The following CAPZB variants were observed in gnomAD, a reference collection of about 807,000 sequenced individuals.
CAPZB encodes the protein capping actin protein of muscle Z-line subunit beta, also known as F-actin-capping protein subunit beta.
In CAPZB, 2 loss-of-function variants were observed where a neutral mutation model predicts 38.1. That is an observed-to-expected ratio of 0.05 (90% CI 0.02 to 0.17). CAPZB has a LOEUF of 0.17. CAPZB is among the 10% of genes least tolerant of loss of function. The pLI is 1.00. For synonymous variants in CAPZB, 107 were observed against 127.4 expected (o/e 0.84, Z 1.08); for missense variants, 161 against 334.2 (o/e 0.48, Z 4.04).
chr1:19,410,208 C>G lies in CAPZB; in HGVS notation c.93+9453G>C, dbSNP rs115650455. Among the ~76,000 whole-genome samples the G allele has an allele frequency of 4.1e-3, 620 of 152,228 alleles. 3 individuals carry two copies. The highest frequency in any genetic ancestry group is 0.027 in the South Asian group (129 of 4,822). The stretch of plus-strand genomic sequence containing the variant: ...GGTGACTGCCTTTAAATTAAATGTA[C>G]CAAAATCAGCCTGTGCTCCAGCATA... On this transcript the variant is annotated intron_variant, in intron 2 of 8. Coordinates refer to ENST00000264202, the MANE Select transcript of CAPZB (RefSeq NM_004930.5).
chr1:19,449,092 C>T lies in CAPZB; in HGVS notation c.4-29342G>A, dbSNP rs1349292157. On this transcript the variant is annotated intron_variant, in intron 1 of 8. Transcript: ENST00000264202. ...CAGCTGGCCAGATGGTTTTCATTTGCAGATGAAACCCCAGCAGTTCCATTG... is the reference window on the plus strand; with the variant it reads ...CAGCTGGCCAGATGGTTTTCATTTGTAGATGAAACCCCAGCAGTTCCATTG... The T allele has an allele frequency of 9.8e-6, 14 of 1,432,280 alleles. No homozygotes were observed. The Admixed American group carries it at 1.6e-4, about 17-fold the overall frequency. 88.7% of individuals were successfully genotyped at this position (1,432,280 alleles called of 1,614,324 possible). A position where few individuals can be genotyped will look rare whatever the true frequency, so the allele number is the denominator to read the frequency against.
intron 2 of CAPZB, among the ~76,000 whole-genome samples, chr1:19,400,798 C>T (rs1000281633): frequency 2.0e-5 from 3 of 152,150 alleles, no homozygotes; most frequent in Admixed American, 6.5e-5. Context: ...GGCCAAGGAA[C>T]GGGCCTATAT....
chr1:19,420,990 G>T (rs1264709648), intron 1 of CAPZB, among the ~76,000 whole-genome samples: 1 of 152,156 alleles, frequency 6.6e-6, no homozygotes, highest in Non-Finnish European at 1.5e-5. Context: ...GAGAAAGGTG[G>T]GCCAGGTACA....
intron 1 of CAPZB, among the ~76,000 whole-genome samples, chr1:19,479,329 G>A (rs1332095054): frequency 6.6e-6 from 1 of 152,226 alleles, no homozygotes; most frequent in Non-Finnish European, 1.5e-5. Context: ...AATGCTGTGT[G>A]CATCAGGCTG....
At chr1:19,448,699 G>C in intron 1 of CAPZB, 2 of 1,160,434 alleles carry the variant, frequency 1.7e-6, no homozygotes, top group South Asian at 3.0e-5. Flanking sequence ...ATTTCCTGGG[G>C]GTAGACTGTG....
chr1:19,467,726 G>A (rs1162424322), intron 1 of CAPZB, among the ~76,000 whole-genome samples: 1 of 152,204 alleles, frequency 6.6e-6, no homozygotes, highest in Admixed American at 6.5e-5. Context: ...CCAGTGCAGA[G>A]AGGCCAGAGG....
chr1:19,358,060 A>G (rs1229459175), intron 4 of CAPZB, among the ~76,000 whole-genome samples: 1 of 152,200 alleles, frequency 6.6e-6, no homozygotes, highest in African/African-American at 2.4e-5. Context: ...GCAACCTCCT[A>G]CAAAGCGCTA....
At chr1:19,366,682 C>T (rs570165076) in intron 4 of CAPZB, among the ~76,000 whole-genome samples, 1 of 149,762 alleles carries the variant, frequency 6.7e-6, no homozygotes, top group Non-Finnish European at 1.5e-5. Flanking sequence ...GAGCGAGACT[C>T]CATCTCAAAA....
intron 1 of CAPZB, among the ~76,000 whole-genome samples, chr1:19,472,617 T>TTC (rs2094592968): frequency 1.3e-5 from 2 of 152,094 alleles, no homozygotes; most frequent in South Asian, 4.1e-4. Context: ...TCAAAGGTGA[T>TTC]TCCAGACCCT....
chr1:19,352,708 ACTGCTGCG>A, intron 6 of CAPZB, among the ~76,000 whole-genome samples: 1 of 152,222 alleles, frequency 6.6e-6, no homozygotes, highest in Non-Finnish European at 1.5e-5. Context: ...CGACAGCCTC[ACTGCTGCG>A]GGAATTTGCC....
intron 2 of CAPZB, among the ~76,000 whole-genome samples, chr1:19,401,819 A>T (rs2100361224): frequency 6.6e-6 from 1 of 152,290 alleles, no homozygotes; most frequent in African/African-American, 2.4e-5. Flanking sequence ...ATAACATAAG[A>T]AAGTGATGTT....
At chr1:19,423,204 A>T (rs964198881) in intron 1 of CAPZB, among the ~76,000 whole-genome samples, 1 of 152,242 alleles carries the variant, frequency 6.6e-6, no homozygotes, top group Non-Finnish European at 1.5e-5. Context: ...TTTAACTATC[A>T]TTCAATGAGG....
At chr1:19,475,723 T>G (rs1558296036) in intron 1 of CAPZB, among the ~76,000 whole-genome samples, 1 of 152,222 alleles carries the variant, frequency 6.6e-6, no homozygotes, top group Non-Finnish European at 1.5e-5. Flanking sequence ...TAGTCTGTAT[T>G]AGGTTGAACC....
Position 19,477,079 on chromosome 1 carries a change from G to C in CAPZB, c.3+8357C>G, listed in dbSNP as rs1289453607. 1.3e-5 allele frequency among the ~76,000 whole-genome samples: 2 copies of C among 152,242 alleles called. 1 individual carries two copies. Among genetic ancestry groups the C allele is most frequent in the Non-Finnish European group, 2.9e-5 (2 of 68,038 alleles). On this transcript the variant is annotated intron_variant, in intron 1 of 8. Transcript: ENST00000264202. ...ACAGACCTCACAGGGTTGGTGTTGA[G>C]AGAATTACAGACAATGACTGTGGGC...
chr1:19,404,209 G>A (rs1354494333), intron 2 of CAPZB, among the ~76,000 whole-genome samples: 1 of 136,408 alleles, frequency 7.3e-6, no homozygotes, highest in African/African-American at 2.8e-5. Context: ...CTCCAGCCTG[G>A]GAGACAGACT....
intron 1 of CAPZB, among the ~76,000 whole-genome samples, chr1:19,477,215 A>G (rs2094610036): frequency 6.6e-6 from 1 of 152,188 alleles, no homozygotes; most frequent in Non-Finnish European, 1.5e-5. Context: ...TGCCTGTGCC[A>G]TGAGTGCACT....
chr1:19,447,021 C>G (rs2094498246), intron 1 of CAPZB, among the ~76,000 whole-genome samples: 1 of 152,142 alleles, frequency 6.6e-6, no homozygotes, highest in Non-Finnish European at 1.5e-5. Flanking sequence ...AATACTATTA[C>G]TGAGTATGTT....
chr1:19,419,685 T>C lies in CAPZB; in HGVS notation c.69A>G (p.Lys23=). 6.3e-7 allele frequency: 1 copy of C among 1,596,864 alleles called. No homozygotes were observed. ...MRRLPPQQIE[K]NLSDLIDLVP... The stretch of plus-strand genomic sequence containing the variant: ...CCAGGTCGATCAGGTCGCTGAGGTT[T>C]TTCTCGATTTGCTGGGGAGGCAGGC... Residue 23 remains lysine, a synonymous_variant, in exon 2 of 9, where the codon AAA becomes AAG. Coordinates refer to ENST00000264202, the MANE Select transcript of CAPZB (RefSeq NM_004930.5).
At chr1:19,438,481 A>G (rs1162212325) in intron 1 of CAPZB, among the ~76,000 whole-genome samples, 1 of 152,198 alleles carries the variant, frequency 6.6e-6, no homozygotes, top group East Asian at 1.9e-4. Context: ...AAATAAACTT[A>G]AGTAACCCCA....
Sources: allele counts gnomAD v4.1 joint callset (sites outside exome capture counted in the v4.1 genomes callset), GRCh38; gene constraint gnomAD v4.1.1; transcripts MANE v1.5; gene names NCBI Gene and HGNC (gene_info 2026-07-23, HGNC 2026-07-21).